Variants in RNF4 observed in about 807,000 individuals in gnomAD.
The protein encoded by RNF4 is ring finger protein 4.
RNF4 carries 7 observed loss-of-function variants against 24.3 expected under a neutral mutation model. The observed-to-expected ratio is 0.29, with a 90% CI of 0.16 to 0.54. The LOEUF (loss-of-function observed/expected upper bound fraction) is 0.54. RNF4 is among the 20% of genes least tolerant of loss of function. The pLI, the probability that RNF4 is intolerant of heterozygous loss-of-function variation, is 0.95. For missense variants in RNF4, 209 were observed against 248.5 expected, an observed-to-expected ratio of 0.84 and a Z score of 1.07; for synonymous variants, 83 against 84.3, an observed-to-expected ratio of 0.98 and a Z score of 0.09.
chr4:2,500,827 A>G, intron 4 of RNF4, 89 bp downstream of exon 4: 1 of 1,230,710 alleles, frequency 8.1e-7, no homozygotes, highest in Non-Finnish European at 1.2e-6. Flanking sequence ...ACAGACTCCA[A>G]GTCAAGGTTA....
At chr4:2,483,371 T>A (rs569474648) in intron 1 of RNF4, among the ~76,000 whole-genome samples, 72 of 152,370 alleles carry the variant, frequency 4.7e-4, no homozygotes, top group African/African-American at 1.5e-3. Flanking sequence ...TCCAAGGCTG[T>A]AGGGCTTATT....
At chr4:2,505,511 G>T (rs1474203021) in intron 4 of RNF4, 1 of 150,674 alleles carries the variant, frequency 6.6e-6, no homozygotes, top group Non-Finnish European at 1.5e-5. Context: ...ATTTTTAGTA[G>T]AGACGGGGTT....
At chr4:2,507,800 G>C (rs113119624) in intron 4 of RNF4, among the ~76,000 whole-genome samples, 18 of 152,238 alleles carry the variant, frequency 1.2e-4, no homozygotes, top group African/African-American at 4.3e-4. Context: ...GTCCATAGTT[G>C]AGAAGAAGCT....
chr4:2,482,476 C>T (rs7676728), intron 1 of RNF4, among the ~76,000 whole-genome samples: 14,697 of 152,220 alleles, frequency 0.097, 2,341 homozygotes, highest in African/African-American at 0.34. Context: ...CCTCGGCCTC[C>T]GGAGGAGTGG....
intron 2 of RNF4, among the ~76,000 whole-genome samples, chr4:2,495,790 G>A (rs1157485530): frequency 4.6e-5 from 7 of 152,110 alleles, no homozygotes; most frequent in African/African-American, 1.4e-4. Context: ...GTGCCACCAC[G>A]CCCAGCTAAT....
chr4:2,512,683 C>G lies in RNF4; in HGVS notation c.374+86C>G, dbSNP rs1056314978. ...ATACTTTTCAGCAAATCTGTGAGCC[C>G]TTGGCCCTGGAAGGGCTTGCCCAAG... On this transcript the variant is annotated intron_variant, in intron 6 of 7. Coordinates refer to ENST00000314289, the MANE Select transcript of RNF4 (RefSeq NM_002938.5). This position sits in a 1 kb window ranked among gnomAD's most constrained non-coding sequence, Gnocchi z 4.1. 1 of 1,504,838 alleles carries G rather than the reference C, an allele frequency of 6.6e-7. No individual in the cohort carries two copies. The highest frequency in any genetic ancestry group is 1.4e-5 in the African/African-American group (1 of 72,260). 93.2% of individuals were successfully genotyped at this position (1,504,838 alleles called of 1,614,324 possible).
Position 2,490,696 on chromosome 4 carries a change from A to G in RNF4, c.9+194A>G, listed in dbSNP as rs1308604134. ...ACATTGAGCTACATTCGAGTCATAA[A>G]GGGCAGAGCCCTGAAGACAAAAGGC... On this transcript the variant is annotated intron_variant, in intron 2 of 7. Transcript: ENST00000314289. The G allele has an allele frequency of 1.1e-5, 6 of 557,574 alleles. No homozygotes were observed. The South Asian group carries it at 1.3e-4, about 12-fold the overall frequency. 34.5% of individuals were successfully genotyped at this position (557,574 alleles called of 1,614,324 possible). A position where few individuals can be genotyped will look rare whatever the true frequency, so the allele number is the denominator to read the frequency against.
intron 4 of RNF4, among the ~76,000 whole-genome samples, chr4:2,509,574 A>G (rs1736207091): frequency 6.6e-6 from 1 of 152,096 alleles, no homozygotes; most frequent in African/African-American, 2.4e-5. Context: ...TCTCATTAAA[A>G]GCGGGGACAG....
At chr4:2,491,894 T>A (rs1735588372) in intron 2 of RNF4, among the ~76,000 whole-genome samples, 1 of 151,258 alleles carries the variant, frequency 6.6e-6, no homozygotes, top group African/African-American at 2.4e-5. Flanking sequence ...CCACCGCACC[T>A]GGCCAATTTT....
chr4:2,509,771 C>T (rs1285203684), intron 4 of RNF4, among the ~76,000 whole-genome samples: 1 of 152,156 alleles, frequency 6.6e-6, no homozygotes, highest in African/African-American at 2.4e-5. Context: ...TCAGTACGCG[C>T]ACTGTCATGG....
chr4:2,509,808 T>A lies in RNF4; in HGVS notation c.205-2148T>A, dbSNP rs1403595242. 1.1e-4 allele frequency among the ~76,000 whole-genome samples: 17 copies of A among 152,162 alleles called. 1 individual carries two copies. The highest frequency in any genetic ancestry group is 1.1e-3 in the Admixed American group (17 of 15,268). On this transcript the variant is annotated intron_variant, in intron 4 of 7. Coordinates refer to ENST00000314289, the MANE Select transcript of RNF4 (RefSeq NM_002938.5). ...TGGGGCACTGGGAGTGTCATACCCT[T>A]TCCAGGTGTCCACACCTAATTAGTG... is the stretch of plus-strand genomic sequence containing the variant.
intron 7 of RNF4, 151 bp from the exon 8 acceptor site, chr4:2,513,519 C>T: frequency 1.2e-6 from 1 of 859,508 alleles, no homozygotes; most frequent in Non-Finnish European, 1.8e-6. Context: ...ACAGCAGACA[C>T]AGTTAGCTCT....
chr4:2,474,261 G>C (rs189714832), intron 1 of RNF4, among the ~76,000 whole-genome samples: 182 of 148,864 alleles, frequency 1.2e-3, no homozygotes, highest in African/African-American at 4.4e-3. Context: ...ACCTGTAATC[G>C]CAGCTACTCA....
rs1241725149 is a variant in RNF4 at position 2,515,077 on chromosome 4, A to C, written c.*1258A>C. On this transcript the variant is annotated 3_prime_UTR_variant, in exon 8 of 8. Transcript: ENST00000314289. ...GGGCCTGGGGGGTGGCTAACGAGAG[A>C]GGCCTTACAGTGCCGGCATGCCTCC... 3.3e-5 allele frequency: 5 copies of C among 152,546 alleles called. No homozygotes were observed. The highest frequency in any genetic ancestry group is 7.3e-5 in the Non-Finnish European group (5 of 68,032). The allele number at this position is 152,546 out of a possible 1,614,324, so 9.4% of individuals were successfully genotyped here.
chr4:2,504,723 T>C (rs1407588550), intron 4 of RNF4, among the ~76,000 whole-genome samples: 1 of 132,300 alleles, frequency 7.6e-6, no homozygotes, highest in Admixed American at 7.5e-5. Context: ...GCTCATTTTT[T>C]GTATTTTTTT....
chr4:2,506,668 A>G (rs912458733), intron 4 of RNF4, among the ~76,000 whole-genome samples: 2 of 151,766 alleles, frequency 1.3e-5, no homozygotes, highest in South Asian at 2.1e-4. Context: ...TCTGGGCTCA[A>G]TTGAGCTTCC....
In RNF4 at chr4:2,493,300, G is replaced by C. The variant is rs543747608; in HGVS notation, c.9+2798G>C. ...GAAGCTCTGGTTAAAGGCATGGAGG[G>C]GTCGATAGAGCAGGCAGAAAAGAGG... On this transcript the variant is annotated intron_variant, in intron 2 of 7. Transcript: ENST00000314289. 4.6e-5 allele frequency among the ~76,000 whole-genome samples: 7 copies of C among 152,240 alleles called. No homozygotes were observed. In the East Asian group the frequency reaches 1.4e-3, roughly 29 times the overall value.
chr4:2,500,261 CCTG>C (rs1003043858), intron 3 of RNF4, among the ~76,000 whole-genome samples: 8 of 152,068 alleles, frequency 5.3e-5, no homozygotes, highest in African/African-American at 1.9e-4. Context: ...GTCAGCTTCA[CCTG>C]CTGGGAGGAG....
intron 4 of RNF4, among the ~76,000 whole-genome samples, chr4:2,506,954 C>G (rs1200781500): frequency 6.6e-6 from 1 of 152,170 alleles, no homozygotes; most frequent in Non-Finnish European, 1.5e-5. Context: ...AGACTGGCAA[C>G]TCTCTTTAAG....
Sources: allele counts gnomAD v4.1 joint callset (sites outside exome capture counted in the v4.1 genomes callset), GRCh38; gene constraint gnomAD v4.1.1; non-coding constraint Gnocchi (gnomAD v3.1); transcripts MANE v1.5; gene names NCBI Gene and HGNC (gene_info 2026-07-23, HGNC 2026-07-21).